EZH2: variants seen among roughly 807,000 people sequenced by gnomAD.
EZH2 encodes histone-lysine N-methyltransferase EZH2.
Under a neutral mutation model 98.4 loss-of-function variants are expected in EZH2, and 18 were observed. That is an observed-to-expected ratio of 0.18 (90% CI 0.13 to 0.27). The LOEUF is 0.27. EZH2 is among the 10% of genes least tolerant of loss of function. The pLI is 1.00. For missense variants in EZH2, 470 were observed against 935.1 expected (o/e 0.50, Z 6.49); for synonymous variants, 338 against 312.3 (o/e 1.08, Z -0.87).
At position 148,849,588 on chromosome 7, in the gene EZH2, C is replaced by T. The variant is rs961919070; in HGVS notation, c.-7-2283G>A. On this transcript the variant is annotated intron_variant, in intron 1 of 19. Transcript: ENST00000320356. ...TGCGAGTTGCTAAAGTGGAATAAAG[C>T]TGACAGTCACTCGGATTAAGCAGGC... 2.0e-5 allele frequency among the ~76,000 whole-genome samples: 3 copies of T among 152,160 alleles called. No individual in the cohort carries two copies. In the East Asian group the frequency reaches 5.8e-4, roughly 29 times the overall value.
chr7:148,830,363 T>C (rs919924777), intron 4 of EZH2, among the ~76,000 whole-genome samples: 2 of 152,060 alleles, frequency 1.3e-5, no homozygotes, highest in African/African-American at 2.4e-5. Flanking sequence ...TAGATGTTAA[T>C]AGAGGATGAT....
Position 148,829,712 on chromosome 7 carries a change from G to A in EZH2, c.484+16C>T, listed in dbSNP as rs1808800088. On this transcript the variant is annotated intron_variant, in intron 5 of 19. Transcript: ENST00000320356. ...TCTTTAGCCCCTTTTTCCAAGAGAA[G>A]AAGCATATGGCTCACCTCTATCCCC... 1 of 1,601,608 alleles carries A rather than the reference G, an allele frequency of 6.2e-7. No homozygotes were observed. Among genetic ancestry groups the A allele is most frequent in the East Asian group, 2.2e-5 (1 of 44,504 alleles).
At chr7:148,814,747 C>CCAA (rs1219086524) in intron 14 of EZH2, among the ~76,000 whole-genome samples, 167 bp downstream of exon 14, 5 of 152,176 alleles carry the variant, frequency 3.3e-5, no homozygotes, top group African/African-American at 1.2e-4. Flanking sequence ...GACTGACTGG[C>CCAA]CACTGGCACA....
intron 1 of EZH2, chr7:148,883,082 T>G (rs1312687438): frequency 6.6e-6 from 1 of 152,252 alleles, no homozygotes; most frequent in Non-Finnish European, 1.5e-5. Context: ...ATAATCTGGC[T>G]GAATGACAGT....
At chr7:148,841,051 G>A (rs750212903) in intron 3 of EZH2, among the ~76,000 whole-genome samples, 1 of 151,996 alleles carries the variant, frequency 6.6e-6, no homozygotes, top group Non-Finnish European at 1.5e-5. Context: ...AGTTTTATTA[G>A]TTGCCTAAAT....
At chr7:148,848,322 C>A (rs1386063439) in intron 1 of EZH2, among the ~76,000 whole-genome samples, 4 of 152,116 alleles carry the variant, frequency 2.6e-5, no homozygotes, top group South Asian at 2.1e-4. Flanking sequence ...GTGACAGAGG[C>A]TTCTACACCA....
In EZH2 at chr7:148,816,761, G is replaced by T. The variant is rs1468297224; in HGVS notation, c.1428C>A (p.Val476=). The change falls in exon 12 of 20, where the codon GTC becomes GTA. Residue 476 remains valine (V), a synonymous_variant. Transcript: ENST00000320356. ...CTGGAGCTATGATGCTAGATTCTTT[G>T]ACTCTAAACTCATACACCTGACAAG... ...KTCRQVYEFR[V]KESSIIAPAP... 2 of 1,613,772 alleles carry T rather than the reference G, an allele frequency of 1.2e-6. No homozygotes were observed. The highest frequency in any genetic ancestry group is 1.7e-6 in the Non-Finnish European group (2 of 1,179,770).
rs777523893 is a variant in EZH2 at position 148,809,130 on chromosome 7, C to T, written c.2136G>A (p.Arg712=). The change falls in exon 19 of 20, where the codon AGG becomes AGA. Residue 712 remains arginine (R), a synonymous_variant. Coordinates refer to ENST00000320356, the MANE Select transcript of EZH2 (RefSeq NM_004456.5). ...AKVMMVNGDH[R]IGIFAKRAIQ... ...TGGCTCTCTTGGCAAAAATACCTAT[C>T]CTGTGATCACCGTTAACCATCATAA... 1 of 1,614,220 alleles carries T rather than the reference C, an allele frequency of 6.2e-7. No homozygotes were observed. Among genetic ancestry groups the T allele is most frequent in the Non-Finnish European group, 8.5e-7 (1 of 1,180,032 alleles).
intron 1 of EZH2, chr7:148,850,523 G>A (rs1004774648): frequency 5.5e-6 from 4 of 722,850 alleles, no homozygotes; most frequent in Non-Finnish European, 6.8e-6. Context: ...TAAATAGGTA[G>A]ACCTGTGAAA....
At chr7:148,836,731 G>T in intron 3 of EZH2, 1 of 412,076 alleles carries the variant, frequency 2.4e-6, no homozygotes, top group Non-Finnish European at 4.7e-6. Flanking sequence ...GGGATGGGGG[G>T]GACTAGAATC....
At chr7:148,819,173 C>A (rs1447369751) in intron 9 of EZH2, 2 of 409,560 alleles carry the variant, frequency 4.9e-6, no homozygotes, top group Non-Finnish European at 9.4e-6. Flanking sequence ...AAAAAAAAAT[C>A]TGTGGAACCT....
At chr7:148,859,312 C>T (rs946838981) in intron 1 of EZH2, among the ~76,000 whole-genome samples, 26 of 152,106 alleles carry the variant, frequency 1.7e-4, no homozygotes, top group South Asian at 6.2e-4. Flanking sequence ...TCAAGACCAG[C>T]CTGGCCAAGA....
At chr7:148,828,366 T>TCA in intron 6 of EZH2, among the ~76,000 whole-genome samples, 1 of 152,250 alleles carries the variant, frequency 6.6e-6, no homozygotes, top group East Asian at 1.9e-4. Flanking sequence ...AGGCAAGGTC[T>TCA]CACTCTGTCA....
At chr7:148,814,186 C>G (rs777013640) in intron 14 of EZH2, 49 bp from the exon 15 acceptor site, 1 of 1,582,168 alleles carries the variant, frequency 6.3e-7, no homozygotes, top group South Asian at 1.1e-5. Flanking sequence ...TATGCAAAAA[C>G]TTGCAGAAAG....
intron 16 of EZH2, among the ~76,000 whole-genome samples, chr7:148,811,232 C>T (rs1802987803): frequency 6.6e-6 from 1 of 152,176 alleles, no homozygotes; most frequent in Admixed American, 6.5e-5. Context: ...GCCTCAACCT[C>T]CCAGGCTCTT....
In EZH2 at chr7:148,846,838, C is replaced by CTGTG. The variant is rs59597308; in HGVS notation, c.118-244_118-241dup. ...ACGATTGCCATCCTTTCTTTGTTGA[C>CTGTG]TGTGTGTGTGTGTGTGTGTGTGTGT... On this transcript the variant is annotated intron_variant, in intron 2 of 19. Transcript: ENST00000320356. 5.1e-3 allele frequency among the ~76,000 whole-genome samples: 693 copies of CTGTG among 135,164 alleles called. 6 individuals carry two copies. Among genetic ancestry groups the CTGTG allele is most frequent in the Non-Finnish European group, 6.0e-3 (378 of 63,524 alleles). The allele number at this position is 135,164 out of a possible 152,430, so 88.7% of individuals were successfully genotyped here. A position where few individuals can be genotyped will look rare whatever the true frequency, so the allele number is the denominator to read the frequency against.
intron 8 of EZH2, 64 bp downstream of exon 8, chr7:148,826,390 G>T: frequency 8.1e-7 from 1 of 1,239,542 alleles, no homozygotes; most frequent in Non-Finnish European, 1.1e-6. Flanking sequence ...TGTAATAAAT[G>T]ATAGCACTCT....
At chr7:148,817,809 T>C (rs1212900749) in intron 10 of EZH2, 68 bp downstream of exon 10, 2 of 1,602,518 alleles carry the variant, frequency 1.2e-6, no homozygotes, top group African/African-American at 1.3e-5. Flanking sequence ...CAATGCATTA[T>C]ACATCCTTAA....
intron 6 of EZH2, among the ~76,000 whole-genome samples, chr7:148,827,996 T>C (rs1394179082): frequency 1.3e-5 from 2 of 152,206 alleles, no homozygotes; most frequent in Non-Finnish European, 2.9e-5. Flanking sequence ...CAGGTGCCTA[T>C]AGTCCCAGCT....
Sources: allele counts gnomAD v4.1 joint callset (sites outside exome capture counted in the v4.1 genomes callset), GRCh38; gene constraint gnomAD v4.1.1; transcripts MANE v1.5; gene names NCBI Gene and HGNC (gene_info 2026-07-23, HGNC 2026-07-21).